The following HERC2 variants were observed in gnomAD, a reference collection of about 807,000 sequenced individuals.
HERC2 encodes the protein HECT and RLD domain containing E3 ubiquitin protein ligase 2.
A neutral mutation model predicts 537.7 loss-of-function variants in HERC2; 102 were observed. That is an observed-to-expected ratio of 0.19 (90% CI 0.16 to 0.22). The LOEUF is 0.22. HERC2 is among the 10% of genes least tolerant of loss of function. The pLI is 1.00. For synonymous variants in HERC2, 2,224 were observed against 2,466.2 expected (o/e 0.90, Z 2.91); for missense variants, 4,236 against 6,198.2 (o/e 0.68, Z 10.63).
intron 35 of HERC2, among the ~76,000 whole-genome samples, chr15:28,223,432 T>C (rs1427209457): frequency 6.6e-6 from 1 of 152,134 alleles, no homozygotes; most frequent in Non-Finnish European, 1.5e-5. Flanking sequence ...CAACAAAGGA[T>C]ATTCAATTCC....
At chr15:28,305,005 G>A (rs1009394117) in intron 2 of HERC2, among the ~76,000 whole-genome samples, 2 of 149,552 alleles carry the variant, frequency 1.3e-5, no homozygotes, top group African/African-American at 4.9e-5. Context: ...TAAGAATGAT[G>A]GTTTCCAATT....
intron 4 of HERC2, among the ~76,000 whole-genome samples, chr15:28,291,235 A>T (rs1051204916): frequency 1.3e-5 from 2 of 151,462 alleles, no homozygotes; most frequent in African/African-American, 4.9e-5. Flanking sequence ...CCAAATACGA[A>T]TTTTTTTTTA....
intron 44 of HERC2, 89 bp downstream of exon 44, chr15:28,210,913 T>C: frequency 1.9e-6 from 2 of 1,060,540 alleles, no homozygotes; most frequent in Non-Finnish European, 2.9e-6. Context: ...AAGCCACCTA[T>C]GTCCATTTTT....
At chr15:28,290,046 T>A (rs1457820496) in intron 4 of HERC2, among the ~76,000 whole-genome samples, 2 of 152,186 alleles carry the variant, frequency 1.3e-5, no homozygotes, top group African/African-American at 2.4e-5. Context: ...TTGCACAGAC[T>A]CTCCCACATC....
intron 50 of HERC2, 145 bp from the exon 51 acceptor site, chr15:28,196,714 G>C (rs1897377234): frequency 1.7e-6 from 1 of 583,282 alleles, no homozygotes; most frequent in Admixed American, 3.4e-5. Flanking sequence ...GTACTAAAAT[G>C]CTTATGGATG....
chr15:28,212,733 C>T (rs1899393620), intron 42 of HERC2, 150 bp from the exon 43 acceptor site: 2 of 864,896 alleles, frequency 2.3e-6, no homozygotes, highest in African/African-American at 1.7e-5. Context: ...TTTAAAATGA[C>T]ATTAAAGGCA....
At chr15:28,278,994 G>A (rs941105090) in intron 5 of HERC2, among the ~76,000 whole-genome samples, 1 of 152,132 alleles carries the variant, frequency 6.6e-6, no homozygotes, top group African/African-American at 2.4e-5. Context: ...ATGCCCAAAA[G>A]CATCTCTTTT....
chr15:28,274,251 A>G (rs1482982609), intron 7 of HERC2, 40 bp downstream of exon 7: 1 of 1,607,216 alleles, frequency 6.2e-7, no homozygotes, highest in South Asian at 1.1e-5. Context: ...CAAGCAGGCC[A>G]GCTGTCTGCG....
Position 28,142,310 on chromosome 15 carries a change from C to T in HERC2, c.11628G>A (p.Arg3876=). The T allele has an allele frequency of 6.2e-7, 1 of 1,614,200 alleles. No individual in the cohort carries two copies. The highest frequency in any genetic ancestry group is 8.5e-7 in the Non-Finnish European group (1 of 1,180,044). ...CAGCAACACGGGAGGCCATGCAGTACCTCCGGAACCAGGCCCACTTGTGCG... is the reference window on the plus strand; with the variant it reads ...CAGCAACACGGGAGGCCATGCAGTATCTCCGGAACCAGGCCCACTTGTGCG... ...AETHKWAWFR[R]YCMASRVAVA... is the part of the protein sequence containing the mutation. Residue 3876 remains arginine (R), a synonymous_variant, in exon 76 of 93, where the codon AGG becomes AGA. Transcript: ENST00000261609.
chr15:28,291,957 G>C (rs2076327204), intron 4 of HERC2, among the ~76,000 whole-genome samples: 1 of 147,150 alleles, frequency 6.8e-6, no homozygotes, highest in Admixed American at 6.9e-5. Flanking sequence ...GCCAGGTGCA[G>C]TGGCTCATGC....
At chr15:28,138,398 T>A (rs554515996) in intron 78 of HERC2, among the ~76,000 whole-genome samples, 36 of 152,222 alleles carry the variant, frequency 2.4e-4, no homozygotes, top group Non-Finnish European at 4.1e-4. Context: ...ATGCAGCTGA[T>A]GACTATATTA....
At chr15:28,239,649 C>A (rs544228991) in intron 23 of HERC2, among the ~76,000 whole-genome samples, 1 of 146,132 alleles carries the variant, frequency 6.8e-6, no homozygotes, top group South Asian at 2.4e-4. Context: ...TGCAGCATGA[C>A]CCCAGACATA....
chr15:28,194,366 C>G (rs1458528963), intron 52 of HERC2, among the ~76,000 whole-genome samples: 1 of 146,654 alleles, frequency 6.8e-6, no homozygotes, highest in Non-Finnish European at 1.5e-5. Flanking sequence ...GTCAGGAGAT[C>G]GAGACCATCC....
In HERC2 at chr15:28,130,484, C is replaced by T; in HGVS notation, c.12662+19G>A. On this transcript the variant is annotated intron_variant, in intron 82 of 92. Coordinates refer to ENST00000261609, the MANE Select transcript of HERC2 (RefSeq NM_004667.6). ...AAAATCTGGTTTTAGTGGGTTTAAACAAACAGAATCTTGCGTACCAGGTAT... is the reference window on the plus strand; with the variant it reads ...AAAATCTGGTTTTAGTGGGTTTAAATAAACAGAATCTTGCGTACCAGGTAT... 6.2e-7 allele frequency: 1 copy of T among 1,610,972 alleles called. No individual in the cohort carries two copies. The highest frequency in any genetic ancestry group is 8.5e-7 in the Non-Finnish European group (1 of 1,177,160).
At chr15:28,132,591 C>T (rs1263321297) in intron 80 of HERC2, 62 bp downstream of exon 80, 32 of 1,337,986 alleles carry the variant, frequency 2.4e-5, no homozygotes, top group Non-Finnish European at 2.9e-5. Flanking sequence ...CAAACCGCCC[C>T]CATCTGACAG....
chr15:28,256,455 G>A (rs149772210), intron 17 of HERC2, 138 bp from the exon 18 acceptor site: 20 of 721,912 alleles, frequency 2.8e-5, no homozygotes, highest in Middle Eastern at 8.0e-4. Context: ...TTTAAAAACT[G>A]GACTAAAAAA....
chr15:28,189,234 C>T (rs1283016628), intron 55 of HERC2, among the ~76,000 whole-genome samples: 2 of 152,226 alleles, frequency 1.3e-5, no homozygotes, highest in Non-Finnish European at 2.9e-5. Flanking sequence ...CATTTACCTG[C>T]AATGCTTCGT....
rs772916844 is a variant in HERC2, at chr15:28,144,703, A to G, written c.11110T>C (p.Phe3704Leu). The change falls in exon 72 of 93, where the codon TTC becomes CTC. Residue 3704 changes from phenylalanine (F) to leucine (L), a missense_variant. Physicochemically the swap from Phe to Leu is conservative, Grantham distance 22 (BLOSUM62 0). This residue lies in a region of HERC2 where 109 missense variants were observed against 133.5 expected (regional missense o/e 0.82). Coordinates refer to ENST00000261609, the MANE Select transcript of HERC2 (RefSeq NM_004667.6). ...DGSVNGWGWR[F>L]TVYPIMPAAG... ...GCTGGCATGATGGGATAGACGGTGA[A>G]GCGCCAGCCCCAGCCATTCACAGAC... 8.7e-6 allele frequency: 14 copies of G among 1,614,062 alleles called. No individual in the cohort carries two copies. The highest frequency in any genetic ancestry group is 1.7e-5 in the Admixed American group (1 of 59,998).
chr15:28,197,082 G>C (rs535990934), intron 50 of HERC2, among the ~76,000 whole-genome samples: 16 of 152,244 alleles, frequency 1.1e-4, no homozygotes, highest in African/African-American at 3.4e-4. Context: ...AATCTCTTAA[G>C]CAAAGAAAAA....
Sources: allele counts gnomAD v4.1 joint callset (sites outside exome capture counted in the v4.1 genomes callset), GRCh38; gene constraint gnomAD v4.1.1; regional missense constraint gnomAD v4.1.1; transcripts MANE v1.5; gene names NCBI Gene and HGNC (gene_info 2026-07-23, HGNC 2026-07-21).